Variants in UNC5D observed in about 807,000 individuals in gnomAD.
UNC5D encodes netrin receptor UNC5D.
UNC5D carries 39 observed loss-of-function variants against 105.4 expected under a neutral mutation model. The ratio of observed to expected loss-of-function variants is 0.37; its 90% confidence interval spans 0.29 to 0.48. The LOEUF is 0.48. UNC5D is among the 20% of genes least tolerant of loss of function. UNC5D has a pLI of 0.98. For synonymous variants in UNC5D, 452 were observed against 450.4 expected, an observed-to-expected ratio of 1.00 and a Z score of -0.04; for missense variants, 991 against 1,202.4, an observed-to-expected ratio of 0.82 and a Z score of 2.60.
intron 1 of UNC5D, among the ~76,000 whole-genome samples, chr8:35,519,910 G>A (rs2579890): frequency 0.46 from 69,890 of 151,896 alleles, 20,241 homozygotes; most frequent in African/African-American, 0.82. Flanking sequence ...AAAGACAGAT[G>A]ATAATAAGTG....
chr8:35,336,791 G>GTT (rs11404669), intron 1 of UNC5D, among the ~76,000 whole-genome samples: 9,041 of 147,318 alleles, frequency 0.061, 535 homozygotes, highest in East Asian at 0.35. Flanking sequence ...AGGAAATAGT[G>GTT]TTTTTTTTTT....
chr8:35,352,147 A>G (rs1812283225), intron 1 of UNC5D, among the ~76,000 whole-genome samples: 1 of 152,142 alleles, frequency 6.6e-6, no homozygotes, highest in African/African-American at 2.4e-5. Context: ...ATATATAAGT[A>G]AAGAGGCTAT....
chr8:35,540,561 AT>A (rs1815205644), intron 1 of UNC5D, among the ~76,000 whole-genome samples: 1 of 152,032 alleles, frequency 6.6e-6, no homozygotes. Context: ...AATTACTAAC[AT>A]TGTGTGACCC....
At chr8:35,358,739 T>C (rs1349059960) in intron 1 of UNC5D, among the ~76,000 whole-genome samples, 1 of 152,204 alleles carries the variant, frequency 6.6e-6, no homozygotes, top group African/African-American at 2.4e-5. Flanking sequence ...AGTCATTCTA[T>C]TCCAACTCTT....
intron 3 of UNC5D, among the ~76,000 whole-genome samples, chr8:35,588,177 G>A (rs1344290128): frequency 6.6e-6 from 1 of 151,676 alleles, no homozygotes; most frequent in Non-Finnish European, 1.5e-5. Flanking sequence ...TGAGATCAGA[G>A]GGTGGAAATC....
chr8:35,396,090 G>A (rs964639485), intron 1 of UNC5D, among the ~76,000 whole-genome samples: 2 of 152,050 alleles, frequency 1.3e-5, no homozygotes, highest in Non-Finnish European at 2.9e-5. Context: ...GCCCCTCAAG[G>A]CATAACCCTG....
chr8:35,282,936 G>A (rs1806298182), intron 1 of UNC5D, among the ~76,000 whole-genome samples: 1 of 152,028 alleles, frequency 6.6e-6, no homozygotes, highest in South Asian at 2.1e-4. Flanking sequence ...TTACTGTATG[G>A]AAGCATGCAT....
intron 1 of UNC5D, among the ~76,000 whole-genome samples, chr8:35,305,466 G>T (rs565830845): frequency 6.6e-6 from 1 of 151,974 alleles, no homozygotes. Flanking sequence ...AGGAAGCCTG[G>T]GTTTTTAGTA....
At chr8:35,656,180 C>G (rs976600050) in intron 4 of UNC5D, among the ~76,000 whole-genome samples, 1 of 152,140 alleles carries the variant, frequency 6.6e-6, no homozygotes, top group African/African-American at 2.4e-5. Context: ...TTCCACAAAC[C>G]ACTGCTTACT....
intron 4 of UNC5D, among the ~76,000 whole-genome samples, chr8:35,606,453 A>G (rs1194669106): frequency 6.6e-6 from 1 of 152,214 alleles, no homozygotes; most frequent in Non-Finnish European, 1.5e-5. Flanking sequence ...GTTCAAGAGT[A>G]CATGTGCAGG....
intron 1 of UNC5D, among the ~76,000 whole-genome samples, chr8:35,397,029 C>T (rs1345118713): frequency 6.6e-6 from 1 of 151,916 alleles, no homozygotes; most frequent in Non-Finnish European, 1.5e-5. Context: ...GCCTTAGCCT[C>T]CCAAGTAGCT....
intron 1 of UNC5D, among the ~76,000 whole-genome samples, chr8:35,510,338 T>C (rs1212789347): frequency 6.7e-6 from 1 of 150,114 alleles, no homozygotes; most frequent in Admixed American, 6.6e-5. Context: ...AAAAACACTT[T>C]GGAGATTCCC....
At chr8:35,448,100 A>C (rs764796016) in intron 1 of UNC5D, among the ~76,000 whole-genome samples, 7 of 152,018 alleles carry the variant, frequency 4.6e-5, no homozygotes, top group Admixed American at 4.6e-4. Context: ...ACCAATTTGA[A>C]ATTAATATTT....
chr8:35,442,161 G>A (rs1461913153), intron 1 of UNC5D, among the ~76,000 whole-genome samples: 2 of 151,718 alleles, frequency 1.3e-5, no homozygotes, highest in African/African-American at 2.4e-5. Context: ...TTTAATTGGT[G>A]GTTTTTGTTG....
At chr8:35,418,130 T>A (rs12335097) in intron 1 of UNC5D, among the ~76,000 whole-genome samples, 7,512 of 152,000 alleles carry the variant, frequency 0.049, 213 homozygotes, top group African/African-American at 0.073. Context: ...TTTTAAATAT[T>A]TTTTTTTACT....
intron 7 of UNC5D, among the ~76,000 whole-genome samples, chr8:35,696,282 ATTTTT>A (rs755876112): frequency 8.8e-6 from 1 of 113,224 alleles, no homozygotes; most frequent in African/African-American, 3.4e-5. Context: ...TCAATATTTA[ATTTTT>A]TTTTTTTTTT....
chr8:35,737,252 C>CTGTGTGTGTGTGTG (rs369792188), intron 11 of UNC5D, among the ~76,000 whole-genome samples: 68 of 119,884 alleles, frequency 5.7e-4, no homozygotes, highest in African/African-American at 2.2e-3. Flanking sequence ...AAGATCTGCT[C>CTGTGTGTGTGTGTG]TGTGTGTGTG....
rs377021599 is a variant in UNC5D, at chr8:35,641,366, C to CAA, written c.571-42163_571-42162dup. On this transcript the variant is annotated intron_variant, in intron 4 of 16. Transcript: ENST00000404895. ...TGCCAAACAAGAAAAAAAAATAAAG[C>CAA]AAAAAAAAAAAAAAAAAAAGAAAAA... Among the ~76,000 whole-genome samples the CAA allele has an allele frequency of 1.9e-3, 85 of 44,264 alleles. 1 individual carries two copies. Among genetic ancestry groups the CAA allele is most frequent in the East Asian group, 3.4e-3 (4 of 1,182 alleles). The allele number at this position is 44,264 out of a possible 152,430, so 29.0% of individuals were successfully genotyped here. A position where few individuals can be genotyped will look rare whatever the true frequency, so the allele number is the denominator to read the frequency against.
At chr8:35,707,727 G>T (rs973721271) in intron 8 of UNC5D, among the ~76,000 whole-genome samples, 6 of 152,152 alleles carry the variant, frequency 3.9e-5, no homozygotes, top group Admixed American at 1.3e-4. Flanking sequence ...CACTTAGTTT[G>T]TGAGTCCTGT....
Sources: allele counts gnomAD v4.1 joint callset (sites outside exome capture counted in the v4.1 genomes callset), GRCh38; gene constraint gnomAD v4.1.1; transcripts MANE v1.5; gene names NCBI Gene and HGNC (gene_info 2026-07-23, HGNC 2026-07-21).